The following PLOD2 variants were observed in gnomAD, a reference collection of about 807,000 sequenced individuals.
PLOD2 encodes lysine hydroxylase 2.
A neutral mutation model predicts 101.0 loss-of-function variants in PLOD2; 65 were observed. The observed-to-expected ratio is 0.64, with a 90% CI of 0.53 to 0.79. The LOEUF is 0.79. PLOD2 is among the 30% of genes least tolerant of loss of function. The probability of loss-of-function intolerance (pLI) is 0.00; values close to 1 mark genes in which losing one functional copy is unlikely to be tolerated. For synonymous variants in PLOD2, 314 were observed against 302.9 expected (o/e 1.04, Z -0.38); for missense variants, 909 against 914.6 (o/e 0.99, Z 0.08).
At chr3:146,082,331 G>T (rs1289827511) in intron 11 of PLOD2, among the ~76,000 whole-genome samples, 1 of 152,102 alleles carries the variant, frequency 6.6e-6, no homozygotes, top group African/African-American at 2.4e-5. Flanking sequence ...AATGAATGAA[G>T]ATGAACTGAG....
chr3:146,155,322 TATAA>T (rs112631509), intron 1 of PLOD2, among the ~76,000 whole-genome samples: 85 of 143,830 alleles, frequency 5.9e-4, no homozygotes, highest in South Asian at 1.3e-3. Context: ...AGACCCTGTC[TATAA>T]ATAAATTAAT....
At chr3:146,101,967 T>C (rs988266002) in intron 7 of PLOD2, among the ~76,000 whole-genome samples, 4 of 152,188 alleles carry the variant, frequency 2.6e-5, no homozygotes, top group Admixed American at 6.5e-5. Flanking sequence ...CAGCATGCGT[T>C]TTCCTTGCAT....
At chr3:146,081,443 A>G (rs1936536054) in intron 12 of PLOD2, among the ~76,000 whole-genome samples, 1 of 152,178 alleles carries the variant, frequency 6.6e-6, no homozygotes, top group African/African-American at 2.4e-5. Flanking sequence ...AAGCTTTTAA[A>G]TAAAGAGTAT....
At chr3:146,156,106 C>T (rs1399978465) in intron 1 of PLOD2, among the ~76,000 whole-genome samples, 1 of 152,176 alleles carries the variant, frequency 6.6e-6, no homozygotes, top group Non-Finnish European at 1.5e-5. Context: ...GCTTCAAGTG[C>T]TGTGTTTAAA....
At chr3:146,114,704 T>A (rs909606263) in intron 3 of PLOD2, among the ~76,000 whole-genome samples, 20 of 152,122 alleles carry the variant, frequency 1.3e-4, no homozygotes, top group Middle Eastern at 3.2e-3. Flanking sequence ...AAAAGGAAAG[T>A]AGAGGTAGCT....
chr3:146,098,845 T>C (rs1937289402), intron 7 of PLOD2, among the ~76,000 whole-genome samples: 1 of 152,134 alleles, frequency 6.6e-6, no homozygotes, highest in African/African-American at 2.4e-5. Context: ...CAAAAAATCA[T>C]ACCAAAAAAT....
chr3:146,113,815 G>A (rs951123304), intron 3 of PLOD2, among the ~76,000 whole-genome samples: 8 of 152,184 alleles, frequency 5.3e-5, no homozygotes, highest in Non-Finnish European at 1.2e-4. Flanking sequence ...CGATGTTCAG[G>A]GAACAAGGGA....
chr3:146,095,976 C>T (rs1411635941), intron 7 of PLOD2, among the ~76,000 whole-genome samples: 1 of 145,784 alleles, frequency 6.9e-6, no homozygotes, highest in Non-Finnish European at 1.5e-5. Flanking sequence ...CGGCTCACTG[C>T]AACCTCCCTG....
chr3:146,159,170 T>A (rs961257451), intron 1 of PLOD2, among the ~76,000 whole-genome samples: 1 of 152,216 alleles, frequency 6.6e-6, no homozygotes, highest in African/African-American at 2.4e-5. Flanking sequence ...ATTTCGACCC[T>A]AACCGAATTC....
chr3:146,072,630 A>G lies in PLOD2; in HGVS notation c.1779T>C (p.Ser593=), dbSNP rs202110196. ...CTACCAATTCATCACAGGCTTTTTC[A>G]GAAAATATGGGGAACCAAAAGACAT... ...CPDVFWFPIF[S]EKACDELVEE... Residue 593 remains serine, a synonymous_variant, in exon 17 of 20, where the codon TCT becomes TCC. Transcript: ENST00000282903. 1 of 1,610,260 alleles carries G rather than the reference A, an allele frequency of 6.2e-7. No individual in the cohort carries two copies. Among genetic ancestry groups the G allele is most frequent in the East Asian group, 2.2e-5 (1 of 44,754 alleles).
chr3:146,123,008 C>T (rs1384914048), intron 2 of PLOD2, among the ~76,000 whole-genome samples: 1 of 152,108 alleles, frequency 6.6e-6, no homozygotes, highest in African/African-American at 2.4e-5. Context: ...ATATTTCTAA[C>T]ATGTTTTTCA....
intron 1 of PLOD2, among the ~76,000 whole-genome samples, chr3:146,139,500 C>T (rs1195345329): frequency 6.6e-5 from 10 of 152,114 alleles, no homozygotes; most frequent in Non-Finnish European, 1.3e-4. Context: ...ATGCTCACCC[C>T]GGTAGCGTTA....
chr3:146,120,192 A>G (rs1212873193), intron 3 of PLOD2, among the ~76,000 whole-genome samples: 16 of 152,170 alleles, frequency 1.1e-4, no homozygotes, highest in Admixed American at 2.6e-4. Context: ...TCTGATGGCC[A>G]GTGATGATGA....
At chr3:146,089,812 A>C (rs910744459) in intron 8 of PLOD2, among the ~76,000 whole-genome samples, 13 of 151,600 alleles carry the variant, frequency 8.6e-5, no homozygotes, top group Non-Finnish European at 1.6e-4. Context: ...AAATAATTTT[A>C]AAAGTAGGTC....
intron 1 of PLOD2, among the ~76,000 whole-genome samples, chr3:146,157,907 G>A (rs1177251293): frequency 6.6e-6 from 1 of 152,128 alleles, no homozygotes; most frequent in African/African-American, 2.4e-5. Context: ...AGTAGATAGG[G>A]ACAAACCTTT....
At chr3:146,126,958 T>C (rs943938782) in intron 1 of PLOD2, among the ~76,000 whole-genome samples, 14 of 152,176 alleles carry the variant, frequency 9.2e-5, no homozygotes, top group African/African-American at 3.4e-4. Flanking sequence ...ATGTGATAAA[T>C]ACTGAAACTG....
chr3:146,108,835 T>A (rs1276783467), intron 4 of PLOD2, among the ~76,000 whole-genome samples: 1 of 152,210 alleles, frequency 6.6e-6, no homozygotes, highest in African/African-American at 2.4e-5. Context: ...GCAAGTCATC[T>A]TCAGAAAAAT....
chr3:146,143,581 G>C (rs953022892), intron 1 of PLOD2, among the ~76,000 whole-genome samples: 28 of 151,850 alleles, frequency 1.8e-4, no homozygotes, highest in Non-Finnish European at 7.4e-5. Flanking sequence ...TATCTACCCT[G>C]GCCATTGTCA....
intron 9 of PLOD2, among the ~76,000 whole-genome samples, chr3:146,088,154 C>T (rs1300865480): frequency 1.3e-5 from 2 of 151,530 alleles, no homozygotes; most frequent in East Asian, 1.9e-4. Flanking sequence ...GAATGGCATG[C>T]CCTTGTGTAA....
Sources: allele counts gnomAD v4.1 joint callset (sites outside exome capture counted in the v4.1 genomes callset), GRCh38; gene constraint gnomAD v4.1.1; transcripts MANE v1.5; gene names NCBI Gene and HGNC (gene_info 2026-07-23, HGNC 2026-07-21).